WNT3: variants seen among roughly 807,000 people sequenced by gnomAD.
WNT3 encodes the protein Wnt family member 3.
A neutral mutation model predicts 34.2 loss-of-function variants in WNT3; 7 were observed. The observed-to-expected ratio is 0.20, with a 90% CI of 0.12 to 0.38. The LOEUF (loss-of-function observed/expected upper bound fraction) is 0.38. WNT3 is among the 10% of genes least tolerant of loss of function. The probability of loss-of-function intolerance (pLI) is 1.00; values close to 1 mark genes in which losing one functional copy is unlikely to be tolerated. For missense variants in WNT3, 267 were observed against 499.8 expected, an observed-to-expected ratio of 0.53 and a Z score of 4.44; for synonymous variants, 212 against 211.5, an observed-to-expected ratio of 1.00 and a Z score of -0.02.
chr17:46,798,925 G>A (rs977923079), intron 1 of WNT3, among the ~76,000 whole-genome samples: 2 of 151,904 alleles, frequency 1.3e-5, no homozygotes, highest in African/African-American at 4.8e-5. Flanking sequence ...GTGCGTGCCT[G>A]TAGTCCCAGC....
At chr17:46,808,806 AAAAAAG>A (rs1240925497) in intron 1 of WNT3, among the ~76,000 whole-genome samples, 1 of 152,204 alleles carries the variant, frequency 6.6e-6, no homozygotes, top group Non-Finnish European at 1.5e-5. Flanking sequence ...TGGGATTAAA[AAAAAAG>A]AAAAAGAAAC....
intron 1 of WNT3, among the ~76,000 whole-genome samples, chr17:46,785,679 G>A (rs766811298): frequency 1.8e-4 from 28 of 152,228 alleles, no homozygotes; most frequent in Admixed American, 1.6e-3. Flanking sequence ...CTGAGAGCCC[G>A]GGAGGACCAT....
chr17:46,766,509 C>T (rs945592762), intron 4 of WNT3, among the ~76,000 whole-genome samples: 1 of 152,112 alleles, frequency 6.6e-6, no homozygotes, highest in African/African-American at 2.4e-5. Context: ...CGAGTGGAGG[C>T]GCTGGATTCA....
Position 46,818,559 on chromosome 17 carries a change from C to G in WNT3, c.39G>C (p.Leu13=), listed in dbSNP as rs746081984. 3 of 1,609,010 alleles carry G rather than the reference C, an allele frequency of 1.9e-6. No homozygotes were observed. The South Asian group carries it at 3.3e-5, about 18-fold the overall frequency. The change falls in exon 1 of 5, where the codon CTG becomes CTC. Residue 13 remains leucine, a synonymous_variant. Transcript: ENST00000225512. ...PHLLGLLLGL[L]LGGTRVLAGY... ...CAGCGAGGACCCTGGTGCCACCGAGCAGGAGGCCGAGGAGCAGCCCGAGCA... is the reference window on the plus strand; with the variant it reads ...CAGCGAGGACCCTGGTGCCACCGAGGAGGAGGCCGAGGAGCAGCCCGAGCA...
intron 1 of WNT3, among the ~76,000 whole-genome samples, chr17:46,804,927 C>G (rs1046020554): frequency 2.1e-5 from 3 of 145,382 alleles, no homozygotes; most frequent in African/African-American, 5.0e-5. Context: ...CCACCCCCCC[C>G]ACCCCCAAGC....
At chr17:46,807,880 T>C (rs375798305) in intron 1 of WNT3, among the ~76,000 whole-genome samples, 1 of 152,324 alleles carries the variant, frequency 6.6e-6, no homozygotes, top group Admixed American at 6.5e-5. Context: ...AAGCATGCTT[T>C]ATCAGAAAGG....
intron 1 of WNT3, among the ~76,000 whole-genome samples, chr17:46,804,496 A>T (rs2084167450): frequency 6.6e-6 from 1 of 152,050 alleles, no homozygotes; most frequent in South Asian, 2.1e-4. Context: ...GTGCTGTAAG[A>T]CACCAGACGG....
At chr17:46,787,226 C>A (rs953416002) in intron 1 of WNT3, among the ~76,000 whole-genome samples, 1 of 151,750 alleles carries the variant, frequency 6.6e-6, no homozygotes, top group Non-Finnish European at 1.5e-5. Flanking sequence ...CAGGTGTGAG[C>A]CAGCGTGCCC....
At chr17:46,809,969 G>A (rs990300819) in intron 1 of WNT3, among the ~76,000 whole-genome samples, 9 of 151,506 alleles carry the variant, frequency 5.9e-5, no homozygotes, top group Non-Finnish European at 8.8e-5. Flanking sequence ...TCTGAGCAGG[G>A]ACTAGCTCTT....
intron 1 of WNT3, among the ~76,000 whole-genome samples, chr17:46,781,342 G>A (rs2059459386): frequency 6.6e-6 from 1 of 151,644 alleles, no homozygotes; most frequent in Non-Finnish European, 1.5e-5. Flanking sequence ...AACAAATACT[G>A]TATGATTTCA....
chr17:46,799,384 C>T (rs1217574249), intron 1 of WNT3, among the ~76,000 whole-genome samples: 3 of 151,738 alleles, frequency 2.0e-5, no homozygotes, highest in Non-Finnish European at 4.4e-5. Context: ...AACCCTGCTA[C>T]ATTAGATGAC....
chr17:46,780,236 A>G (rs1341638447), intron 1 of WNT3, among the ~76,000 whole-genome samples: 2 of 152,198 alleles, frequency 1.3e-5, no homozygotes, highest in African/African-American at 2.4e-5. Flanking sequence ...GTGACGGCCA[A>G]TCCCCTGCTG....
At chr17:46,800,870 A>C (rs1288356354) in intron 1 of WNT3, among the ~76,000 whole-genome samples, 2 of 152,196 alleles carry the variant, frequency 1.3e-5, no homozygotes, top group Non-Finnish European at 2.9e-5. Context: ...GGCTGCGCAG[A>C]GGAAGTGATG....
rs370910717 is a variant in WNT3 at position 46,769,927 on chromosome 17, C to A, written c.444G>T (p.Pro148=). The change falls in exon 3 of 5, where the codon CCG becomes CCT. Residue 148 remains proline, a synonymous_variant. Coordinates refer to ENST00000225512, the MANE Select transcript of WNT3 (RefSeq NM_030753.5). ...ICGCDSHHKG[P]PGEGWKWGGC... The stretch of plus-strand genomic sequence containing the variant: ...CGCCCCACTTCCAGCCTTCGCCAGG[C>A]GGCCCCTTATGATGCGAGTCACAGC... The A allele has an allele frequency of 4.3e-6, 7 of 1,613,330 alleles. No individual in the cohort carries two copies. The African/African-American group carries it at 9.3e-5, about 22-fold the overall frequency.
chr17:46,771,695 GCCGGGCCGCGCCC>G (rs2059372513), intron 2 of WNT3, among the ~76,000 whole-genome samples: 1 of 143,206 alleles, frequency 7.0e-6, no homozygotes, highest in African/African-American at 2.5e-5. Flanking sequence ...GGCTCCCGCG[GCCGGGCCGCGCCC>G]CCGGCCCCGG....
At chr17:46,773,935 A>T (rs767258561) in intron 1 of WNT3, 26 bp from the exon 2 acceptor site, 1 of 1,607,070 alleles carries the variant, frequency 6.2e-7, no homozygotes, top group Non-Finnish European at 8.5e-7. Flanking sequence ...GGGTAGTAAC[A>T]CTGTGGGCAC....
Position 46,810,491 on chromosome 17 carries a change from G to A in WNT3, c.80+8027C>T, listed in dbSNP as rs576515776. Among the ~76,000 whole-genome samples the A allele has an allele frequency of 2.0e-3, 309 of 152,294 alleles. 2 individuals carry two copies. Among genetic ancestry groups the A allele is most frequent in the Middle Eastern group, 0.01 (3 of 294 alleles). ...CTGAGGCCAACTGGTCACGGGGCAT[G>A]CCCACAAAGATTATTCCACCTGAAG... On this transcript the variant is annotated intron_variant, in intron 1 of 4. Coordinates refer to ENST00000225512, the MANE Select transcript of WNT3 (RefSeq NM_030753.5).
intron 2 of WNT3, among the ~76,000 whole-genome samples, chr17:46,772,926 C>G (rs546937247): frequency 9.0e-4 from 137 of 152,268 alleles, no homozygotes; most frequent in African/African-American, 3.1e-3. Flanking sequence ...GCCAGCCCGG[C>G]CAGGATCGTT....
chr17:46,796,153 G>A (rs1248340275), intron 1 of WNT3, among the ~76,000 whole-genome samples: 5 of 152,134 alleles, frequency 3.3e-5, no homozygotes, highest in Non-Finnish European at 5.9e-5. Flanking sequence ...CCATTACCAC[G>A]TTTCCTTGGG....
Sources: gnomAD v4.1 joint callset for allele counts (sites outside exome capture counted in the v4.1 genomes callset) on GRCh38, gnomAD v4.1.1 for gene constraint, MANE v1.5 for transcripts, NCBI Gene and HGNC (gene_info 2026-07-23, HGNC 2026-07-21) for gene names.